The following FHOD3 variants were observed in gnomAD, a reference collection of about 807,000 sequenced individuals.
The protein encoded by FHOD3 is FH1/FH2 domain-containing protein 3.
In FHOD3, 90 loss-of-function variants were observed where a neutral mutation model predicts 173.0. The observed-to-expected ratio is 0.52, with a 90% CI of 0.44 to 0.62. The LOEUF is 0.62. Ranked by LOEUF, FHOD3 falls within the 20% of genes least tolerant of loss-of-function variation. The probability of loss-of-function intolerance (pLI) is 0.00; values close to 1 mark genes in which losing one functional copy is unlikely to be tolerated. For synonymous variants in FHOD3, 828 were observed against 823.0 expected, an observed-to-expected ratio of 1.01 and a Z score of -0.10; for missense variants, 1,945 against 2,034.7, an observed-to-expected ratio of 0.96 and a Z score of 0.85.
chr18:36,423,350 C>G (rs186516406), intron 3 of FHOD3, among the ~76,000 whole-genome samples: 57 of 152,202 alleles, frequency 3.7e-4, no homozygotes, highest in African/African-American at 1.3e-3. Context: ...TGGAAATGGT[C>G]TGAACTGAAT....
chr18:36,524,147 T>C (rs1014654675), intron 5 of FHOD3, among the ~76,000 whole-genome samples: 1 of 151,738 alleles, frequency 6.6e-6, no homozygotes, highest in Non-Finnish European at 1.5e-5. Flanking sequence ...CAGGGTGAGG[T>C]AGTGCATGCC....
At chr18:36,478,138 A>C (rs1209239087) in intron 3 of FHOD3, among the ~76,000 whole-genome samples, 2 of 152,168 alleles carry the variant, frequency 1.3e-5, no homozygotes, top group Non-Finnish European at 2.9e-5. Context: ...GGTGAGCAGT[A>C]ATTGGTTGTT....
chr18:36,329,614 C>T (rs2044877889), intron 1 of FHOD3, among the ~76,000 whole-genome samples: 1 of 152,122 alleles, frequency 6.6e-6, no homozygotes, highest in Non-Finnish European at 1.5e-5. Context: ...GGTGGTGATG[C>T]AGGATGTGAC....
At chr18:36,357,270 G>A (rs537528461) in intron 2 of FHOD3, among the ~76,000 whole-genome samples, 8 of 152,242 alleles carry the variant, frequency 5.3e-5, no homozygotes, top group Admixed American at 1.3e-4. Context: ...CATTGATTGT[G>A]CTGCTAGTTG....
At chr18:36,730,200 A>G (rs559659518) in intron 19 of FHOD3, among the ~76,000 whole-genome samples, 2 of 152,124 alleles carry the variant, frequency 1.3e-5, no homozygotes, top group Non-Finnish European at 2.9e-5. Context: ...ATGGTGCTGT[A>G]TTCTCCTTAT....
At chr18:36,720,189 G>A (rs902062797) in intron 19 of FHOD3, among the ~76,000 whole-genome samples, 1 of 151,066 alleles carries the variant, frequency 6.6e-6, no homozygotes, top group African/African-American at 2.4e-5. Flanking sequence ...GACTTTCTAG[G>A]ACTGGTACCA....
At chr18:36,466,976 T>C (rs1057453705) in intron 3 of FHOD3, among the ~76,000 whole-genome samples, 1 of 152,084 alleles carries the variant, frequency 6.6e-6, no homozygotes, top group African/African-American at 2.4e-5. Context: ...TAAGGGACCC[T>C]AGATTTTAAA....
chr18:36,751,870 G>A (rs12965773), intron 24 of FHOD3, among the ~76,000 whole-genome samples: 1 of 152,182 alleles, frequency 6.6e-6, no homozygotes. Context: ...AAGGCACAGA[G>A]AGGGACTGGG....
intron 5 of FHOD3, among the ~76,000 whole-genome samples, chr18:36,543,904 A>G (rs2057319236): frequency 6.6e-6 from 1 of 152,242 alleles, no homozygotes; most frequent in African/African-American, 2.4e-5. Context: ...CTGCGGTAGA[A>G]GCTAGGAACT....
At chr18:36,666,476 A>T (rs903252707) in intron 14 of FHOD3, among the ~76,000 whole-genome samples, 1 of 152,228 alleles carries the variant, frequency 6.6e-6, no homozygotes, top group African/African-American at 2.4e-5. Flanking sequence ...GTCCTGTATC[A>T]TTAGACAGGG....
rs188299129 is a variant in FHOD3, at chr18:36,547,616, A to G, written c.512-28835A>G. 5.3e-5 allele frequency among the ~76,000 whole-genome samples: 8 copies of G among 152,260 alleles called. No homozygotes were observed. In the East Asian group the frequency reaches 7.7e-4, roughly 15 times the overall value. ...CCAAGGACAAGGAACATAAGCATTT[A>G]TGTTCCTTCAGAATACAATAAGACA... On this transcript the variant is annotated intron_variant, in intron 5 of 28. Coordinates refer to ENST00000590592, the MANE Select transcript of FHOD3 (RefSeq NM_001281740.3).
At chr18:36,514,740 C>T (rs1423158524) in intron 5 of FHOD3, among the ~76,000 whole-genome samples, 2 of 152,198 alleles carry the variant, frequency 1.3e-5, no homozygotes, top group Non-Finnish European at 2.9e-5. Context: ...TTGTGTATTT[C>T]TATTGCATCA....
At chr18:36,555,400 A>C (rs1171367066) in intron 5 of FHOD3, among the ~76,000 whole-genome samples, 2 of 151,854 alleles carry the variant, frequency 1.3e-5, no homozygotes, top group African/African-American at 2.4e-5. Flanking sequence ...AAAAAAAACA[A>C]AAAACATGCT....
At chr18:36,616,302 A>G (rs1231322097) in intron 9 of FHOD3, among the ~76,000 whole-genome samples, 2 of 152,162 alleles carry the variant, frequency 1.3e-5, no homozygotes, top group East Asian at 1.9e-4. Context: ...TTTGGATTCC[A>G]TAGGGTCACT....
intron 3 of FHOD3, among the ~76,000 whole-genome samples, chr18:36,455,580 A>C (rs1359927531): frequency 6.6e-6 from 1 of 150,700 alleles, no homozygotes; most frequent in African/African-American, 2.5e-5. Context: ...TTTAATTAAA[A>C]AAAAAAAAAG....
intron 18 of FHOD3, among the ~76,000 whole-genome samples, chr18:36,716,427 A>G (rs1347283958): frequency 6.6e-6 from 1 of 152,254 alleles, no homozygotes; most frequent in Non-Finnish European, 1.5e-5. Flanking sequence ...AGACGGATTA[A>G]GTTGCCGTAG....
chr18:36,706,938 C>CT (rs1204842545), intron 17 of FHOD3, among the ~76,000 whole-genome samples: 4 of 152,206 alleles, frequency 2.6e-5, no homozygotes, highest in Non-Finnish European at 5.9e-5. Context: ...AGGCTGTGCT[C>CT]TTGCCATGCT....
At chr18:36,528,007 C>T (rs2056607027) in intron 5 of FHOD3, among the ~76,000 whole-genome samples, 1 of 152,138 alleles carries the variant, frequency 6.6e-6, no homozygotes, top group Non-Finnish European at 1.5e-5. Flanking sequence ...CCATTTGCCC[C>T]TTGCCCTTCC....
chr18:36,734,593 A>T (rs906669742), intron 20 of FHOD3, among the ~76,000 whole-genome samples: 1 of 151,974 alleles, frequency 6.6e-6, no homozygotes, highest in East Asian at 1.9e-4. Context: ...ATCACCTACT[A>T]TCTTGGGCCA....
Sources: gnomAD v4.1 joint callset for allele counts (sites outside exome capture counted in the v4.1 genomes callset) on GRCh38, gnomAD v4.1.1 for gene constraint, MANE v1.5 for transcripts, NCBI Gene and HGNC (gene_info 2026-07-23, HGNC 2026-07-21) for gene names.